Variants in GALNT13 observed in about 807,000 individuals in gnomAD.
GALNT13 encodes the protein polypeptide N-acetylgalactosaminyltransferase 13, also known as UDP-GalNAc:polypeptide N-acetylgalactosaminyltransferase 13.
A neutral mutation model predicts 64.2 loss-of-function variants in GALNT13; 28 were observed. The observed-to-expected ratio is 0.44, with a 90% CI of 0.32 to 0.60. The LOEUF (loss-of-function observed/expected upper bound fraction) is 0.60. Among genes scored for constraint, GALNT13 ranks in the 20% least tolerant of loss-of-function variants. The pLI is 0.05. For synonymous variants in GALNT13, 214 were observed against 224.6 expected, an observed-to-expected ratio of 0.95 and a Z score of 0.42; for missense variants, 577 against 669.8, an observed-to-expected ratio of 0.86 and a Z score of 1.53.
chr2:153,349,095 T>C, the GALNT13 span, among the ~76,000 whole-genome samples: 1 of 152,202 alleles, frequency 6.6e-6, no homozygotes, highest in East Asian at 1.9e-4. Flanking sequence ...TTCCACCTAA[T>C]GGACTGTCAG....
At chr2:153,288,486 G>T in the GALNT13 span, among the ~76,000 whole-genome samples, 3 of 152,130 alleles carry the variant, frequency 2.0e-5, no homozygotes, top group Admixed American at 6.5e-5. Context: ...ATCTCACATT[G>T]TCCCATTCCG....
intron 3 of GALNT13, among the ~76,000 whole-genome samples, chr2:154,090,206 G>A (rs1701738019): frequency 6.6e-6 from 1 of 152,016 alleles, no homozygotes; most frequent in Non-Finnish European, 1.5e-5. Context: ...AAAATATGGG[G>A]ATATTTATGT....
chr2:154,207,699 A>T (rs1317846662), intron 4 of GALNT13, among the ~76,000 whole-genome samples: 1 of 152,192 alleles, frequency 6.6e-6, no homozygotes, highest in Non-Finnish European at 1.5e-5. Context: ...GACAGGGAAG[A>T]ACTGAGTTGA....
At chr2:154,170,990 A>G (rs1168047119) in intron 4 of GALNT13, among the ~76,000 whole-genome samples, 1 of 152,154 alleles carries the variant, frequency 6.6e-6, no homozygotes, top group African/African-American at 2.4e-5. Flanking sequence ...TTTTTGGGTA[A>G]TTTGCTTAAA....
At chr2:153,334,613 C>T in the GALNT13 span, among the ~76,000 whole-genome samples, 14 of 151,784 alleles carry the variant, frequency 9.2e-5, no homozygotes, top group East Asian at 1.6e-3. Context: ...AGAACCAAAC[C>T]GAAATTTTAG....
At chr2:154,382,450 A>G (rs1485660447) in intron 9 of GALNT13, among the ~76,000 whole-genome samples, 1 of 152,110 alleles carries the variant, frequency 6.6e-6, no homozygotes, top group Admixed American at 6.6e-5. Flanking sequence ...TTATGTATGC[A>G]ATAAATAACT....
chr2:154,324,098 A>T (rs1436513284), intron 9 of GALNT13, among the ~76,000 whole-genome samples: 1 of 151,832 alleles, frequency 6.6e-6, no homozygotes, highest in Non-Finnish European at 1.5e-5. Context: ...TCCTATCTCT[A>T]CCTACTCCAC....
chr2:153,199,970 A>G, the GALNT13 span, among the ~76,000 whole-genome samples: 1 of 152,238 alleles, frequency 6.6e-6, no homozygotes, highest in African/African-American at 2.4e-5. Context: ...ATAAATAACC[A>G]CATCTCATAG....
At chr2:153,176,463 A>C in the GALNT13 span, among the ~76,000 whole-genome samples, 1 of 152,178 alleles carries the variant, frequency 6.6e-6, no homozygotes, top group Non-Finnish European at 1.5e-5. Context: ...AAGGTAGAAA[A>C]ATGAATAGTT....
chr2:153,169,264 G>C, the GALNT13 span, among the ~76,000 whole-genome samples: 1 of 152,192 alleles, frequency 6.6e-6, no homozygotes, highest in Non-Finnish European at 1.5e-5. Context: ...TGGAGGCTGA[G>C]GAAAACTGGT....
intron 9 of GALNT13, among the ~76,000 whole-genome samples, chr2:154,342,713 C>T (rs575886358): frequency 4.6e-5 from 7 of 152,034 alleles, no homozygotes; most frequent in East Asian, 1.9e-4. Flanking sequence ...GTCTCACAAA[C>T]GCTATTTGCT....
chr2:153,155,063 C>A, the GALNT13 span, among the ~76,000 whole-genome samples: 1 of 152,174 alleles, frequency 6.6e-6, no homozygotes, highest in Non-Finnish European at 1.5e-5. Flanking sequence ...AACCTTGCAT[C>A]CTGTGGATGA....
chr2:154,445,969 A>AT (rs1052476594), intron 12 of GALNT13: 1 of 465,458 alleles, frequency 2.1e-6, no homozygotes, highest in African/African-American at 2.0e-5. Flanking sequence ...TTAAGAGTTA[A>AT]TCTTTTTCTT....
the GALNT13 span, among the ~76,000 whole-genome samples, chr2:153,256,937 C>T: frequency 6.6e-6 from 1 of 152,352 alleles, no homozygotes; most frequent in African/African-American, 2.4e-5. Flanking sequence ...GAGGTGGAGC[C>T]TGCAGAGGCA....
chr2:153,514,302 A>G, the GALNT13 span, among the ~76,000 whole-genome samples: 9 of 152,152 alleles, frequency 5.9e-5, no homozygotes, highest in African/African-American at 2.2e-4. Context: ...ATATTTCTCA[A>G]GCCCACTGTT....
At chr2:153,703,761 ATGTAT>A in the GALNT13 span, among the ~76,000 whole-genome samples, 1 of 152,152 alleles carries the variant, frequency 6.6e-6, no homozygotes. Context: ...TTTTTTTAAC[ATGTAT>A]TGGAAAAATA....
intron 3 of GALNT13, among the ~76,000 whole-genome samples, chr2:154,136,189 A>G (rs1558978869): frequency 6.6e-6 from 1 of 152,214 alleles, no homozygotes; most frequent in Non-Finnish European, 1.5e-5. Flanking sequence ...TTTAAAGGAA[A>G]ATATACAGAA....
At chr2:154,008,430 T>C (rs1696403136) in intron 3 of GALNT13, among the ~76,000 whole-genome samples, 1 of 152,170 alleles carries the variant, frequency 6.6e-6, no homozygotes, top group Non-Finnish European at 1.5e-5. Flanking sequence ...TATTTTATTT[T>C]TTAAAATCTT....
chr2:154,052,390 C>G (rs2105349404), intron 3 of GALNT13, among the ~76,000 whole-genome samples: 1 of 152,306 alleles, frequency 6.6e-6, no homozygotes, highest in Non-Finnish European at 1.5e-5. Context: ...CCCATTATCT[C>G]CATGCATGAA....
Sources: gnomAD v4.1 joint callset for allele counts (sites outside exome capture counted in the v4.1 genomes callset) on GRCh38, gnomAD v4.1.1 for gene constraint, MANE v1.5 for transcripts, NCBI Gene and HGNC (gene_info 2026-07-23, HGNC 2026-07-21) for gene names.